The following PARD3 variants were observed in gnomAD, a reference collection of about 807,000 sequenced individuals.
PARD3 encodes the protein partitioning defective 3 homolog.
A neutral mutation model predicts 155.4 loss-of-function variants in PARD3; 75 were observed. The ratio of observed to expected loss-of-function variants is 0.48; its 90% CI spans 0.40 to 0.58. The LOEUF is 0.58. Ranked by LOEUF, PARD3 falls within the 20% of genes least tolerant of loss-of-function variation. PARD3 has a pLI of 0.00. For missense variants in PARD3, 1,642 were observed against 1,721.7 expected (o/e 0.95, Z 0.82); for synonymous variants, 576 against 610.5 (o/e 0.94, Z 0.83).
chr10:34,456,180 T>C (rs1055049748), intron 4 of PARD3, among the ~76,000 whole-genome samples: 2 of 152,240 alleles, frequency 1.3e-5, no homozygotes, highest in Non-Finnish European at 2.9e-5. Context: ...TGCTAAACTA[T>C]GGTGGAGTCT....
chr10:34,468,888 A>G (rs1428180324), intron 4 of PARD3, among the ~76,000 whole-genome samples: 1 of 152,214 alleles, frequency 6.6e-6, no homozygotes, highest in Non-Finnish European at 1.5e-5. Context: ...ATCAAGCTAC[A>G]TCTTTTTCAT....
Position 34,450,567 on chromosome 10 carries a change from A to G in PARD3, c.583-119T>C, listed in dbSNP as rs2077001282. On this transcript the variant is annotated intron_variant, in intron 4 of 24. Coordinates refer to ENST00000374788, the MANE Select transcript of PARD3 (RefSeq NM_001184785.2). The stretch of plus-strand genomic sequence containing the variant: ...TCTACATATTTAAAACATCTTTCCA[A>G]TCCTATACAAAATAGCTGATTGAGG... 3 of 936,474 alleles carry G rather than the reference A, an allele frequency of 3.2e-6. No individual in the cohort carries two copies. The South Asian group carries it at 5.2e-5, about 16-fold the overall frequency. 58.0% of individuals were successfully genotyped at this position (936,474 alleles called of 1,614,324 possible). A position where few individuals can be genotyped will look rare whatever the true frequency, so the allele number is the denominator to read the frequency against.
At chr10:34,727,766 G>T (rs371971654) in intron 1 of PARD3, among the ~76,000 whole-genome samples, 8 of 151,594 alleles carry the variant, frequency 5.3e-5, no homozygotes, top group East Asian at 1.9e-4. Flanking sequence ...AGAATGAAAA[G>T]GTTTCCCTAC....
At chr10:34,301,060 A>C (rs1957123999) in intron 20 of PARD3, among the ~76,000 whole-genome samples, 1 of 152,204 alleles carries the variant, frequency 6.6e-6, no homozygotes, top group Non-Finnish European at 1.5e-5. Context: ...TTGCTCAAAA[A>C]CTATGGAAAT....
At chr10:34,507,250 G>A (rs138702314) in intron 3 of PARD3, among the ~76,000 whole-genome samples, 276 of 152,068 alleles carry the variant, frequency 1.8e-3, no homozygotes, top group African/African-American at 6.3e-3. Flanking sequence ...ATTTTTTAAT[G>A]CAAAAAAGAA....
At chr10:34,197,887 G>A (rs867029426) in intron 22 of PARD3, among the ~76,000 whole-genome samples, 4 of 152,214 alleles carry the variant, frequency 2.6e-5, no homozygotes, top group African/African-American at 7.2e-5. Flanking sequence ...ACGCCACCAC[G>A]CCCAGCTAAT....
At chr10:34,454,248 G>C (rs942824615) in intron 4 of PARD3, among the ~76,000 whole-genome samples, 1 of 151,922 alleles carries the variant, frequency 6.6e-6, no homozygotes, top group Non-Finnish European at 1.5e-5. Context: ...TGTGTATCAA[G>C]TGCATACAAG....
chr10:34,184,063 C>A (rs375473998), intron 22 of PARD3, among the ~76,000 whole-genome samples: 7 of 152,206 alleles, frequency 4.6e-5, no homozygotes, highest in African/African-American at 1.7e-4. Context: ...AGCAACCCAT[C>A]TGCCTCTGCC....
chr10:34,564,605 G>A (rs545401689), intron 2 of PARD3, among the ~76,000 whole-genome samples: 1 of 152,334 alleles, frequency 6.6e-6, no homozygotes, highest in East Asian at 1.9e-4. Context: ...AGGCAGAGAG[G>A]AAAGAGAAAG....
chr10:34,660,824 T>A (rs918783313), intron 2 of PARD3, among the ~76,000 whole-genome samples: 1 of 152,188 alleles, frequency 6.6e-6, no homozygotes, highest in Non-Finnish European at 1.5e-5. Flanking sequence ...ACAGAAGCTA[T>A]GCTTGGCTGT....
In PARD3 at chr10:34,385,767, T is replaced by C. The variant is rs186921208; in HGVS notation, c.891-1513A>G. On this transcript the variant is annotated intron_variant, in intron 7 of 24. Transcript: ENST00000374788. ...GCATTTATCATATTCTTCTCTTATA[T>C]ACATACCTTATCTCTATTAGTGGAC... is the stretch of plus-strand genomic sequence containing the variant. Among the ~76,000 whole-genome samples, 4 of 152,322 alleles carry C rather than the reference T, an allele frequency of 2.6e-5. No individual in the cohort carries two copies. In the East Asian group the frequency reaches 5.8e-4, roughly 22 times the overall value.
intron 22 of PARD3, among the ~76,000 whole-genome samples, chr10:34,260,385 G>A (rs1416022693): frequency 1.3e-5 from 2 of 152,212 alleles, no homozygotes; most frequent in Non-Finnish European, 2.9e-5. Context: ...GACGGAGCAG[G>A]TGCCTTGAAG....
chr10:34,692,613 G>C (rs375306928), intron 2 of PARD3, among the ~76,000 whole-genome samples: 1 of 152,172 alleles, frequency 6.6e-6, no homozygotes, highest in Admixed American at 6.5e-5. Context: ...GGTGGCTTAC[G>C]CCTGTAATCC....
chr10:34,153,697 A>C (rs1029663668), intron 22 of PARD3, among the ~76,000 whole-genome samples: 56 of 152,218 alleles, frequency 3.7e-4, no homozygotes, highest in African/African-American at 1.3e-3. Flanking sequence ...AAGTCCAGAG[A>C]ATTTTAAGCA....
At chr10:34,307,093 T>C (rs1010274447) in intron 20 of PARD3, among the ~76,000 whole-genome samples, 4 of 152,108 alleles carry the variant, frequency 2.6e-5, no homozygotes, top group Admixed American at 2.6e-4. Flanking sequence ...GGTTTCACCA[T>C]GTTAGCCAGG....
intron 22 of PARD3, among the ~76,000 whole-genome samples, chr10:34,239,905 A>G (rs1953474323): frequency 6.6e-6 from 1 of 152,212 alleles, no homozygotes; most frequent in Admixed American, 6.5e-5. Flanking sequence ...TTAGAGTTTA[A>G]AAATATTTTA....
At position 34,684,778 on chromosome 10, in the gene PARD3, TACACACACACACACACACACACAC is replaced by T. The variant is rs3087285; in HGVS notation, c.222+11516_222+11539del. 1.1e-3 allele frequency among the ~76,000 whole-genome samples: 129 copies of T among 119,118 alleles called. 1 individual carries two copies. Among genetic ancestry groups the T allele is most frequent in the African/African-American group, 3.4e-3 (111 of 32,294 alleles). 78.1% of individuals were successfully genotyped at this position (119,118 alleles called of 152,430 possible). A position where few individuals can be genotyped will look rare whatever the true frequency, so the allele number is the denominator to read the frequency against. The stretch of plus-strand genomic sequence containing the variant: ...TATAAGACTTTGGCTTGATGATACA[TACACACACACACACACACACACAC>T]ACACACACACACACACACACACACA... On this transcript the variant is annotated intron_variant, in intron 2 of 24. Transcript: ENST00000374788.
chr10:34,390,716 C>A (rs1453624246), intron 7 of PARD3, among the ~76,000 whole-genome samples: 2 of 152,124 alleles, frequency 1.3e-5, no homozygotes, highest in African/African-American at 4.8e-5. Context: ...AAATTCCCAA[C>A]TCCAAATCTG....
chr10:34,796,615 C>A (rs1316747963), intron 1 of PARD3, among the ~76,000 whole-genome samples: 2 of 152,162 alleles, frequency 1.3e-5, no homozygotes, highest in Non-Finnish European at 2.9e-5. Context: ...CCCATAGTTG[C>A]AGTAGATTTG....
Sources: allele counts gnomAD v4.1 joint callset (sites outside exome capture counted in the v4.1 genomes callset), GRCh38; gene constraint gnomAD v4.1.1; transcripts MANE v1.5; gene names NCBI Gene and HGNC (gene_info 2026-07-23, HGNC 2026-07-21).